The following SLC25A28 variants were observed in gnomAD, a reference collection of about 807,000 sequenced individuals.
The protein encoded by SLC25A28 is mitoferrin-2.
In SLC25A28, 10 loss-of-function variants were observed where a neutral mutation model predicts 31.9. That is an observed-to-expected ratio of 0.31 (90% CI 0.19 to 0.53). The LOEUF (loss-of-function observed/expected upper bound fraction) is 0.53. Ranked by LOEUF, SLC25A28 falls within the 20% of genes least tolerant of loss-of-function variation. SLC25A28 has a pLI of 0.95. For missense variants in SLC25A28, 256 were observed against 490.3 expected (o/e 0.52, Z 4.51); for synonymous variants, 208 against 203.6 (o/e 1.02, Z -0.19).
At chr10:99,651,594 C>CTTTTTTTTTTTTTTTTTTTT in the SLC25A28 span, among the ~76,000 whole-genome samples, 3 of 110,196 alleles carry the variant, frequency 2.7e-5, no homozygotes, top group Non-Finnish European at 5.4e-5. Context: ...TTTTTCTTTT[C>CTTTTTTTTTTTTTTTTTTTT]TTTTTTTTTT....
chr10:99,620,840 C>T (rs1045413224), upstream of SLC25A28: 9 of 985,494 alleles, frequency 9.1e-6, no homozygotes, highest in East Asian at 1.1e-4. Flanking sequence ...GACTTCGGGC[C>T]CCTCACTAGC....
chr10:99,627,543 C>T, the SLC25A28 span, among the ~76,000 whole-genome samples: 6 of 151,620 alleles, frequency 4.0e-5, no homozygotes, highest in Admixed American at 6.6e-5. Flanking sequence ...CTGGCTCAAG[C>T]GATCCTCCTG....
chr10:99,623,989 A>G (rs775851615), upstream of SLC25A28, among the ~76,000 whole-genome samples: 1 of 152,180 alleles, frequency 6.6e-6, no homozygotes, highest in Non-Finnish European at 1.5e-5. Context: ...TAAAATGCAG[A>G]CTGCAGTTCT....
the SLC25A28 span, among the ~76,000 whole-genome samples, chr10:99,637,888 A>G: frequency 6.6e-6 from 1 of 152,208 alleles, no homozygotes. Context: ...CAATCCACAA[A>G]TTCAATGCAA....
chr10:99,655,839 C>T, the SLC25A28 span, among the ~76,000 whole-genome samples: 1 of 152,160 alleles, frequency 6.6e-6, no homozygotes, highest in African/African-American at 2.4e-5. Flanking sequence ...TGGAGCCTAG[C>T]ACCCTTCAAG....
chr10:99,641,684 G>A, the SLC25A28 span, among the ~76,000 whole-genome samples: 125 of 152,222 alleles, frequency 8.2e-4, 1 homozygote, highest in Non-Finnish European at 1.1e-3. Flanking sequence ...TTCTTCTAGG[G>A]TTTTTATGGT....
the SLC25A28 span, among the ~76,000 whole-genome samples, chr10:99,630,933 A>C: frequency 2.0e-5 from 3 of 152,196 alleles, no homozygotes; most frequent in African/African-American, 7.2e-5. Context: ...GTAATATTTT[A>C]AAGATAAGAA....
chr10:99,626,736 C>T, the SLC25A28 span, among the ~76,000 whole-genome samples: 1 of 151,922 alleles, frequency 6.6e-6, no homozygotes, highest in African/African-American at 2.4e-5. Flanking sequence ...AAATTTCAGC[C>T]CATGTGGGAT....
the SLC25A28 span, among the ~76,000 whole-genome samples, chr10:99,647,979 T>C: frequency 1.8e-4 from 27 of 152,274 alleles, no homozygotes; most frequent in South Asian, 1.9e-3. Context: ...TGTGGCTTTA[T>C]TTCTGGGTTC....
the SLC25A28 span, among the ~76,000 whole-genome samples, chr10:99,636,688 T>C: frequency 6.6e-6 from 1 of 152,138 alleles, no homozygotes; most frequent in African/African-American, 2.4e-5. Context: ...CTAGAAAATG[T>C]AGAAAAGATG....
At chr10:99,614,374 G>A (rs527699274) in intron 1 of SLC25A28, among the ~76,000 whole-genome samples, 9 of 152,294 alleles carry the variant, frequency 5.9e-5, no homozygotes, top group African/African-American at 1.9e-4. Context: ...ACACACTGAG[G>A]GGCGGCTAAT....
At chr10:99,653,432 C>G in the SLC25A28 span, among the ~76,000 whole-genome samples, 3 of 152,150 alleles carry the variant, frequency 2.0e-5, no homozygotes, top group East Asian at 5.8e-4. Context: ...CGCCTATAAC[C>G]CCAGCTGACA....
chr10:99,651,073 C>T, the SLC25A28 span, among the ~76,000 whole-genome samples: 1 of 152,174 alleles, frequency 6.6e-6, no homozygotes, highest in Non-Finnish European at 1.5e-5. Context: ...GGATTTCTCT[C>T]TTATTGTTTC....
At chr10:99,651,589 C>CTTTTTTTTT in the SLC25A28 span, among the ~76,000 whole-genome samples, 1 of 43,154 alleles carries the variant, frequency 2.3e-5, no homozygotes, top group Non-Finnish European at 5.2e-5. Flanking sequence ...TTGCCTTTTT[C>CTTTTTTTTT]TTTTCTTTTT....
chr10:99,639,777 A>AACTGCATC, the SLC25A28 span, among the ~76,000 whole-genome samples: 3 of 147,828 alleles, frequency 2.0e-5, no homozygotes, highest in Non-Finnish European at 4.5e-5. Context: ...CATTTACATC[A>AACTGCATC]ACTGCATCAA....
At chr10:99,622,758 C>T, upstream of SLC25A28, 2 of 958,418 alleles carry the variant, frequency 2.1e-6, no homozygotes, top group Non-Finnish European at 2.5e-6. Flanking sequence ...TCTTTAATAC[C>T]TTAGAGAACT....
chr10:99,639,614 A>G, the SLC25A28 span, among the ~76,000 whole-genome samples: 1 of 151,754 alleles, frequency 6.6e-6, no homozygotes, highest in Non-Finnish European at 1.5e-5. Context: ...ACTCAACCTC[A>G]TTGCTTCATG....
upstream of SLC25A28, among the ~76,000 whole-genome samples, chr10:99,623,989 A>T (rs775851615): frequency 3.9e-5 from 6 of 152,180 alleles, no homozygotes; most frequent in Admixed American, 6.5e-5. Context: ...TAAAATGCAG[A>T]CTGCAGTTCT....
the SLC25A28 span, among the ~76,000 whole-genome samples, chr10:99,649,630 C>T: frequency 6.6e-6 from 1 of 152,114 alleles, no homozygotes; most frequent in Non-Finnish European, 1.5e-5. Context: ...GATTCAATCT[C>T]GCTACTCATT....
Sources: gnomAD v4.1 joint callset for allele counts (sites outside exome capture counted in the v4.1 genomes callset) on GRCh38, gnomAD v4.1.1 for gene constraint, MANE v1.5 for transcripts, NCBI Gene and HGNC (gene_info 2026-07-23, HGNC 2026-07-21) for gene names.